UIMC1: variants seen among roughly 807,000 people sequenced by gnomAD.
The protein encoded by UIMC1 is ubiquitin interaction motif containing 1.
UIMC1 carries 42 observed loss-of-function variants against 84.9 expected under a neutral mutation model. The observed-to-expected ratio is 0.49, with a 90% CI of 0.39 to 0.64. The LOEUF is 0.64. UIMC1 is among the 30% of genes least tolerant of loss of function. The pLI is 0.00. For synonymous variants in UIMC1, 281 were observed against 293.0 expected (o/e 0.96, Z 0.42); for missense variants, 825 against 847.6 (o/e 0.97, Z 0.33).
chr5:176,917,434 T>C (rs1418871710), intron 10 of UIMC1, among the ~76,000 whole-genome samples: 1 of 151,708 alleles, frequency 6.6e-6, no homozygotes, highest in Non-Finnish European at 1.5e-5. Flanking sequence ...TAGCCGGGCT[T>C]GGTGGTGAGT....
In UIMC1 at chr5:176,966,317, T is replaced by C. The variant is rs192533240; in HGVS notation, c.1200+2238A>G. 1.8e-3 allele frequency among the ~76,000 whole-genome samples: 273 copies of C among 152,354 alleles called. 4 individuals carry two copies. Among genetic ancestry groups the C allele is most frequent in the South Asian group, 7.5e-3 (36 of 4,830 alleles). ...GATAGGAATTGTTATTCCCACTGTA[T>C]AGACGTGAAACTGGGATTCAAAGAG... is the stretch of plus-strand genomic sequence containing the variant. On this transcript the variant is annotated intron_variant, in intron 6 of 14. Coordinates refer to ENST00000511320, the MANE Select transcript of UIMC1 (RefSeq NM_001199298.2).
intron 6 of UIMC1, among the ~76,000 whole-genome samples, chr5:176,967,980 T>C (rs1468967876): frequency 6.6e-6 from 1 of 151,324 alleles, no homozygotes; most frequent in Non-Finnish European, 1.5e-5. Flanking sequence ...TATTAAGAAA[T>C]GATCTAAGAT....
At chr5:177,021,801 G>A (rs1775847846) in intron 1 of UIMC1, among the ~76,000 whole-genome samples, 1 of 152,148 alleles carries the variant, frequency 6.6e-6, no homozygotes, top group South Asian at 2.1e-4. Context: ...ACAGGCATGT[G>A]CCACCACACC....
At chr5:177,018,352 A>C (rs530649405) in intron 1 of UIMC1, among the ~76,000 whole-genome samples, 1 of 152,066 alleles carries the variant, frequency 6.6e-6, no homozygotes, top group Admixed American at 6.5e-5. Flanking sequence ...TCTGTCTCAA[A>C]AAAAAAAGAA....
At chr5:176,992,297 C>A (rs1772986958) in intron 1 of UIMC1, among the ~76,000 whole-genome samples, 2 of 151,772 alleles carry the variant, frequency 1.3e-5, no homozygotes, top group African/African-American at 4.8e-5. Flanking sequence ...TTATTGAATT[C>A]TCAAAGGAGC....
chr5:176,948,458 G>A (rs1241447226), intron 9 of UIMC1, among the ~76,000 whole-genome samples: 12 of 152,106 alleles, frequency 7.9e-5, no homozygotes, highest in Admixed American at 7.9e-4. Flanking sequence ...AGTAAAATAG[G>A]TATTTCTGCC....
At chr5:176,971,862 C>A (rs1769284694) in intron 3 of UIMC1, among the ~76,000 whole-genome samples, 1 of 151,890 alleles carries the variant, frequency 6.6e-6, no homozygotes, top group Non-Finnish European at 1.5e-5. Context: ...TGAGCTGAAA[C>A]CATGCCATTG....
intron 2 of UIMC1, among the ~76,000 whole-genome samples, chr5:176,978,427 A>C (rs1200282287): frequency 2.0e-5 from 3 of 152,170 alleles, no homozygotes; most frequent in Non-Finnish European, 4.4e-5. Context: ...GTTTTATGGG[A>C]GATTTTTAGG....
At chr5:176,956,526 A>C (rs187382960) in intron 7 of UIMC1, among the ~76,000 whole-genome samples, 1 of 152,310 alleles carries the variant, frequency 6.6e-6, no homozygotes, top group Admixed American at 6.5e-5. Context: ...AAAAATAAAA[A>C]ACAATTCCAA....
intron 2 of UIMC1, among the ~76,000 whole-genome samples, chr5:176,977,579 T>C (rs1200613362): frequency 2.8e-5 from 3 of 106,368 alleles, no homozygotes; most frequent in African/African-American, 1.3e-4. Flanking sequence ...CAAGACTCCA[T>C]CTCAAAAAAA....
At chr5:176,938,189 CAAAAAA>C (rs1170386962) in intron 10 of UIMC1, among the ~76,000 whole-genome samples, 39 of 56,338 alleles carry the variant, frequency 6.9e-4, no homozygotes, top group African/African-American at 2.6e-3. Flanking sequence ...GACCCTGTCT[CAAAAAA>C]AAAAAAAAAA....
chr5:176,976,269 C>T (rs1326731093), intron 2 of UIMC1, among the ~76,000 whole-genome samples: 1 of 151,950 alleles, frequency 6.6e-6, no homozygotes, highest in South Asian at 2.1e-4. Flanking sequence ...AAGCTAAGAT[C>T]GCACCACGAT....
At chr5:176,948,396 A>C (rs1315125506) in intron 9 of UIMC1, among the ~76,000 whole-genome samples, 1 of 152,172 alleles carries the variant, frequency 6.6e-6, no homozygotes, top group African/African-American at 2.4e-5. Context: ...ACTTGTGACA[A>C]ATCTCTACCA....
At chr5:176,937,505 T>G (rs1209644401) in intron 10 of UIMC1, among the ~76,000 whole-genome samples, 1 of 151,566 alleles carries the variant, frequency 6.6e-6, no homozygotes, top group Non-Finnish European at 1.5e-5. Flanking sequence ...AAAATAAAAA[T>G]AAAAAAAGAA....
intron 1 of UIMC1, among the ~76,000 whole-genome samples, chr5:176,997,309 T>C (rs957036678): frequency 2.6e-5 from 4 of 151,986 alleles, no homozygotes; most frequent in Non-Finnish European, 5.9e-5. Context: ...CTGGGTTCCT[T>C]ACTTTTACCA....
chr5:177,015,403 G>A (rs754994263), intron 1 of UIMC1, among the ~76,000 whole-genome samples: 9 of 152,138 alleles, frequency 5.9e-5, no homozygotes, highest in Non-Finnish European at 1.2e-4. Context: ...ACATTGTCAG[G>A]GTTCAAGATA....
chr5:177,007,201 G>T (rs1163804019), upstream of UIMC1, among the ~76,000 whole-genome samples: 1 of 151,986 alleles, frequency 6.6e-6, no homozygotes. Context: ...TTAGCCAGGC[G>T]TGGTGGCGCG....
chr5:176,907,250 C>T, intron 12 of UIMC1, 73 bp from the exon 13 acceptor site: 9 of 1,391,606 alleles, frequency 6.5e-6, no homozygotes, highest in Non-Finnish European at 9.0e-6. Context: ...CAGCCCAGAT[C>T]ACACGTGTTC....
intron 3 of UIMC1, among the ~76,000 whole-genome samples, chr5:176,975,103 C>T (rs1022141398): frequency 6.6e-6 from 1 of 151,782 alleles, no homozygotes; most frequent in Non-Finnish European, 1.5e-5. Flanking sequence ...TACCATACCC[C>T]TACACTTAAG....
Sources: gnomAD v4.1 joint callset for allele counts (sites outside exome capture counted in the v4.1 genomes callset) on GRCh38, gnomAD v4.1.1 for gene constraint, MANE v1.5 for transcripts, NCBI Gene and HGNC (gene_info 2026-07-23, HGNC 2026-07-21) for gene names.